Variants in SCN3A observed in about 807,000 individuals in gnomAD.
SCN3A encodes the protein sodium channel protein type 3 subunit alpha.
In SCN3A, 60 loss-of-function variants were observed where a neutral mutation model predicts 187.6. That is an observed-to-expected ratio of 0.32 (90% CI 0.26 to 0.40). The LOEUF is 0.40. Ranked by LOEUF, SCN3A falls within the 10% of genes least tolerant of loss-of-function variation. The pLI, the probability that SCN3A is intolerant of heterozygous loss-of-function variation, is 1.00. For synonymous variants in SCN3A, 788 were observed against 829.2 expected, an observed-to-expected ratio of 0.95 and a Z score of 0.85; for missense variants, 1,601 against 2,428.2, an observed-to-expected ratio of 0.66 and a Z score of 7.16.
chr2:165,178,845 C>T (rs1050984065), intron 2 of SCN3A, among the ~76,000 whole-genome samples: 2 of 152,038 alleles, frequency 1.3e-5, no homozygotes, highest in Non-Finnish European at 2.9e-5. Flanking sequence ...GGAGGCAGCA[C>T]AAAATAAAAC....
rs771293186 is a variant in SCN3A at position 165,100,416 on chromosome 2, C to T, written c.3852G>A (p.Leu1284=). 6 of 1,613,326 alleles carry T rather than the reference C, an allele frequency of 3.7e-6. No homozygotes were observed. The highest frequency in any genetic ancestry group is 5.1e-6 in the Non-Finnish European group (6 of 1,179,758). Residue 1284 remains leucine (L), a synonymous_variant, in exon 22 of 28, where the codon TTG becomes TTA. Transcript: ENST00000283254. ...WLDFLIVDVS[L]VSLVANALGY... ...CAAGAGCATTGGCTACCAGGCTAACCAAAGAAACCTACAAAAGGAAAAAAA... is the reference window on the plus strand; with the variant it reads ...CAAGAGCATTGGCTACCAGGCTAACTAAAGAAACCTACAAAAGGAAAAAAA...
At chr2:165,186,286 C>A (rs1037542582) in intron 2 of SCN3A, among the ~76,000 whole-genome samples, 26 of 148,982 alleles carry the variant, frequency 1.7e-4, no homozygotes, top group African/African-American at 5.9e-4. Context: ...ACAACAACAA[C>A]AACAAAAAAA....
At chr2:165,162,460 T>C in intron 8 of SCN3A, 89 bp from the exon 9 acceptor site, 1 of 1,596,054 alleles carries the variant, frequency 6.3e-7, no homozygotes, top group Non-Finnish European at 8.6e-7. Context: ...CTATTTCAGT[T>C]ATTTACAAAG....
chr2:165,186,648 T>C lies in SCN3A; in HGVS notation c.-148A>G, dbSNP rs1036825260. 1 of 152,146 alleles carries C rather than the reference T, an allele frequency of 6.6e-6. No individual in the cohort carries two copies. Among genetic ancestry groups the C allele is most frequent in the Non-Finnish European group, 1.5e-5 (1 of 68,034 alleles). 9.4% of individuals were successfully genotyped at this position (152,146 alleles called of 1,614,324 possible). A position where few individuals can be genotyped will look rare whatever the true frequency, so the allele number is the denominator to read the frequency against. On this transcript the variant is annotated 5_prime_UTR_variant, in exon 2 of 28. Coordinates refer to ENST00000283254, the MANE Select transcript of SCN3A (RefSeq NM_006922.4). ...AATATCCCTAGAAGAGATTCTTTGC[T>C]CCTTTCCCAGTAAGCCACTCTACTA...
chr2:165,150,254 A>G (rs1459002560), intron 11 of SCN3A, among the ~76,000 whole-genome samples: 1 of 152,152 alleles, frequency 6.6e-6, no homozygotes, highest in Non-Finnish European at 1.5e-5. Context: ...CCCCTCAACC[A>G]ATAATAAACA....
At chr2:165,196,895 G>A (rs552818246) in intron 1 of SCN3A, among the ~76,000 whole-genome samples, 7 of 152,058 alleles carry the variant, frequency 4.6e-5, no homozygotes, top group African/African-American at 1.7e-4. Context: ...ACTCTTATTC[G>A]ATTATTCAAG....
chr2:165,195,813 T>C (rs1691913222), intron 1 of SCN3A, among the ~76,000 whole-genome samples: 1 of 152,166 alleles, frequency 6.6e-6, no homozygotes, highest in Non-Finnish European at 1.5e-5. Flanking sequence ...ACTATTGTTT[T>C]CATGGTGTAT....
chr2:165,201,443 C>G (rs945644171), intron 1 of SCN3A, among the ~76,000 whole-genome samples: 1 of 151,894 alleles, frequency 6.6e-6, no homozygotes, highest in African/African-American at 2.4e-5. Context: ...AAAATTTATG[C>G]CTTTATGTTT....
At chr2:165,127,231 G>T (rs1158120988) in intron 18 of SCN3A, among the ~76,000 whole-genome samples, 2 of 147,330 alleles carry the variant, frequency 1.4e-5, no homozygotes, top group African/African-American at 5.0e-5. Flanking sequence ...GTGAATTTTC[G>T]TATTTTTTTT....
rs1687966279 is a variant in SCN3A, at chr2:165,140,810, T to A, written c.1860A>T (p.Arg620=). The change falls in exon 13 of 28, where the codon CGA becomes CGT. Residue 620 remains arginine, a synonymous_variant. Coordinates refer to ENST00000283254, the MANE Select transcript of SCN3A (RefSeq NM_006922.4). This position sits in a 1 kb window ranked among gnomAD's most constrained non-coding sequence, Gnocchi z 4.2. ...SLFVPHRHGE[R]RNSNVSQASM... ...TGGCCTGACTAACGTTACTGTTGCG[T>A]CGCTCTCCATGTCTGTGCGGCACAA... 1.2e-6 allele frequency: 2 copies of A among 1,614,152 alleles called. No individual in the cohort carries two copies. The highest frequency in any genetic ancestry group is 1.7e-6 in the Non-Finnish European group (2 of 1,180,016).
Position 165,113,878 on chromosome 2 carries a change from C to T in SCN3A, c.3607G>A (p.Val1203Ile). 6.2e-7 allele frequency: 1 copy of T among 1,613,958 alleles called. No individual in the cohort carries two copies. Among genetic ancestry groups the T allele is most frequent in the Non-Finnish European group, 8.5e-7 (1 of 1,179,868 alleles). The change falls in exon 20 of 28, where the codon GTT becomes ATT. Residue 1203 changes from valine (V) to isoleucine (I), a missense_variant. By Grantham distance (29) the Val-to-Ile change is conservative. Coordinates refer to ENST00000283254, the MANE Select transcript of SCN3A (RefSeq NM_006922.4). ...WNLRKTCYSIVEHNWFETFIV... is the reference protein window; with the variant it reads ...WNLRKTCYSIIEHNWFETFIV... ...AAAGTCTCAAACCAGTTGTGCTCAA[C>T]AATACTGTAGCAGGTTTTTCGAAGA...
chr2:165,161,137 C>CTTTTTTTTTTTTTTTTTTTTTTTTTT (rs61608647), intron 9 of SCN3A, among the ~76,000 whole-genome samples: 80 of 93,366 alleles, frequency 8.6e-4, no homozygotes, highest in Non-Finnish European at 1.1e-3. Context: ...TTCTTTCTTT[C>CTTTTTTTTTTTTTTTTTTTTTTTTTT]TTTTTTTTTT....
At position 165,131,376 on chromosome 2, in the gene SCN3A, G is replaced by A. The variant is rs1324198307; in HGVS notation, c.2433C>T (p.Ile811=). The change falls in exon 16 of 28, where the codon ATC becomes ATT. Residue 811 remains isoleucine (I), a synonymous_variant. Transcript: ENST00000283254. The part of the protein sequence containing the change: ...GIFTAEMVLK[I]IAMDPYYYFQ... ...AATAGTAATAAGGATCCATGGCAATGATCTTGAGAACCATTTCTGCTGTGA... is the reference window on the plus strand; with the variant it reads ...AATAGTAATAAGGATCCATGGCAATAATCTTGAGAACCATTTCTGCTGTGA... The A allele has an allele frequency of 6.2e-7, 1 of 1,605,940 alleles. No individual in the cohort carries two copies. Among genetic ancestry groups the A allele is most frequent in the East Asian group, 2.2e-5 (1 of 44,492 alleles).
chr2:165,112,244 T>C (rs1686156960), intron 21 of SCN3A, among the ~76,000 whole-genome samples: 2 of 152,196 alleles, frequency 1.3e-5, no homozygotes, highest in African/African-American at 4.8e-5. Context: ...ATAGATTCCA[T>C]AATTGGCAAT....
intron 18 of SCN3A, among the ~76,000 whole-genome samples, chr2:165,116,577 G>T (rs1255169223): frequency 6.6e-6 from 1 of 152,130 alleles, no homozygotes; most frequent in Non-Finnish European, 1.5e-5. Context: ...GTAGCTGAGT[G>T]TTAGGGTCAC....
At chr2:165,189,044 G>A (rs991822573) in intron 1 of SCN3A, among the ~76,000 whole-genome samples, 1 of 152,094 alleles carries the variant, frequency 6.6e-6, no homozygotes, top group Admixed American at 6.5e-5. Flanking sequence ...AATCAAGCCT[G>A]GAATTTTGGT....
chr2:165,106,878 C>G lies in SCN3A; in HGVS notation c.3843+6007G>C, dbSNP rs183418884. On this transcript the variant is annotated intron_variant, in intron 21 of 27. Transcript: ENST00000283254. The stretch of plus-strand genomic sequence containing the variant: ...ACTGGAGGCAGGAACATTTAGTAAG[C>G]TATTGCTTGGTCCAGTTGATTGCAG... 1.4e-4 allele frequency among the ~76,000 whole-genome samples: 21 copies of G among 152,172 alleles called. No homozygotes were observed. In the East Asian group the frequency reaches 3.7e-3, roughly 27 times the overall value.
At chr2:165,126,814 T>C (rs933826252) in intron 18 of SCN3A, among the ~76,000 whole-genome samples, 4 of 152,156 alleles carry the variant, frequency 2.6e-5, no homozygotes, top group Non-Finnish European at 5.9e-5. Flanking sequence ...ATAGATCTGC[T>C]CATCCTTGAC....
chr2:165,100,267 T>C (rs773531773), intron 22 of SCN3A, 35 bp downstream of exon 22: 7 of 1,607,248 alleles, frequency 4.4e-6, no homozygotes, highest in Non-Finnish European at 6.0e-6. Flanking sequence ...ACATGTAATT[T>C]TGACATGAAT....
Sources: gnomAD v4.1 joint callset for allele counts (sites outside exome capture counted in the v4.1 genomes callset) on GRCh38, gnomAD v4.1.1 for gene constraint, Gnocchi (gnomAD v3.1) non-coding constraint, MANE v1.5 for transcripts, NCBI Gene and HGNC (gene_info 2026-07-23, HGNC 2026-07-21) for gene names.